CAMK2G: variants seen among roughly 807,000 people sequenced by gnomAD.
CAMK2G encodes calcium/calmodulin-dependent protein kinase type II subunit gamma.
A neutral mutation model predicts 88.7 loss-of-function variants in CAMK2G; 23 were observed. That is an observed-to-expected ratio of 0.26 (90% CI 0.19 to 0.37). CAMK2G has a LOEUF of 0.37. Ranked by LOEUF, CAMK2G falls within the 10% of genes least tolerant of loss-of-function variation. The pLI is 1.00. For missense variants in CAMK2G, 476 were observed against 780.8 expected, an observed-to-expected ratio of 0.61 and a Z score of 4.65; for synonymous variants, 263 against 294.8, an observed-to-expected ratio of 0.89 and a Z score of 1.11.
At chr10:73,869,476 A>G (rs2095727106) in intron 2 of CAMK2G, among the ~76,000 whole-genome samples, 1 of 152,184 alleles carries the variant, frequency 6.6e-6, no homozygotes, top group Admixed American at 6.5e-5. Context: ...GGCTCCCTGG[A>G]TCAGAAAGGG....
rs991564862 is a variant in CAMK2G at position 73,839,956 on chromosome 10, G to C, written c.947-355C>G. Among the ~76,000 whole-genome samples, 3 of 152,190 alleles carry C rather than the reference G, an allele frequency of 2.0e-5. No individual in the cohort carries two copies. The highest frequency in any genetic ancestry group is 2.9e-5 in the Non-Finnish European group (2 of 68,010). On this transcript the variant is annotated intron_variant, in intron 12 of 22. Coordinates refer to ENST00000423381, the MANE Select transcript of CAMK2G (RefSeq NM_001367534.1). The surrounding 1 kb of genome is among the most constrained non-coding windows in gnomAD (Gnocchi z 4.2). ...TAGCCCGGCCCTAGCTTAAGGCTGTGATGAAACGCCCTCCCTTCTAGTCCT... is the reference window on the plus strand; with the variant it reads ...TAGCCCGGCCCTAGCTTAAGGCTGTCATGAAACGCCCTCCCTTCTAGTCCT...
intron 17 of CAMK2G, among the ~76,000 whole-genome samples, chr10:73,822,551 T>C (rs1267262208): frequency 1.3e-5 from 2 of 152,150 alleles, no homozygotes; most frequent in Non-Finnish European, 2.9e-5. Context: ...GAACTCCCAA[T>C]AGCTTCTCCT....
chr10:73,828,274 A>G (rs2091632136), intron 14 of CAMK2G, among the ~76,000 whole-genome samples, 153 bp from the exon 15 acceptor site: 1 of 152,188 alleles, frequency 6.6e-6, no homozygotes. Flanking sequence ...AGGGTTAAAC[A>G]GCACACGGAC....
chr10:73,822,432 T>G (rs1223032702), intron 17 of CAMK2G, among the ~76,000 whole-genome samples: 1 of 152,172 alleles, frequency 6.6e-6, no homozygotes, highest in Non-Finnish European at 1.5e-5. Flanking sequence ...CCTTCCAAAG[T>G]GCAGGGATTA....
Position 73,842,298 on chromosome 10 carries a change from C to T in CAMK2G, c.904-87G>A. 1 of 1,260,588 alleles carries T rather than the reference C, an allele frequency of 7.9e-7. No homozygotes were observed. The highest frequency in any genetic ancestry group is 1.2e-5 in the South Asian group (1 of 84,084). The allele number at this position is 1,260,588 out of a possible 1,614,324, so 78.1% of individuals were successfully genotyped here. On this transcript the variant is annotated intron_variant, in intron 11 of 22. Coordinates refer to ENST00000423381, the MANE Select transcript of CAMK2G (RefSeq NM_001367534.1). This position sits in a 1 kb window ranked among gnomAD's most constrained non-coding sequence, Gnocchi z 4.6. ...AGGCAAAGGCAGGTCCTGGCTAGAG[C>T]CTGAAGACATCAGGCCTCTGGGCCC...
rs530327498 is a variant in CAMK2G at position 73,817,214 on chromosome 10, C to T, written c.1440-97G>A. On this transcript the variant is annotated intron_variant, in intron 20 of 22. Coordinates refer to ENST00000423381, the MANE Select transcript of CAMK2G (RefSeq NM_001367534.1). Reference sequence around the variant, plus strand: ...TGTCTATCCAGTAGCAGCAGGCTACCTGTGGCCATGCCAGACAAGACAGCA... The same window carrying T: ...TGTCTATCCAGTAGCAGCAGGCTACTTGTGGCCATGCCAGACAAGACAGCA... 1.7e-5 allele frequency: 26 copies of T among 1,495,036 alleles called. No individual in the cohort carries two copies. In the South Asian group the frequency reaches 3.3e-4, roughly 19 times the overall value. The allele number at this position is 1,495,036 out of a possible 1,614,324, so 92.6% of individuals were successfully genotyped here. A position where few individuals can be genotyped will look rare whatever the true frequency, so the allele number is the denominator to read the frequency against.
chr10:73,838,163 T>G (rs1176640978), intron 13 of CAMK2G, among the ~76,000 whole-genome samples: 2 of 152,168 alleles, frequency 1.3e-5, no homozygotes, highest in Non-Finnish European at 2.9e-5. Context: ...TCAAACAGAT[T>G]CTAGCCAGGC....
intron 10 of CAMK2G, among the ~76,000 whole-genome samples, chr10:73,845,785 C>T (rs904583513): frequency 3.9e-5 from 6 of 152,062 alleles, no homozygotes; most frequent in Non-Finnish European, 8.8e-5. Context: ...TGCACATTCC[C>T]CCATCCTTAC....
chr10:73,847,249 C>G lies in CAMK2G; in HGVS notation c.795G>C (p.Gln265His). The G allele has an allele frequency of 6.2e-7, 1 of 1,614,200 alleles. No homozygotes were observed. ...INPAKRITAD[Q>H]ALKHPWVCQR... is the part of the protein sequence containing the mutation. The stretch of plus-strand genomic sequence containing the variant: ...CACAGACCCACGGGTGCTTGAGAGC[C>G]TGGTCAGCCGTGATGCGCTTTGCTG... Residue 265 changes from glutamine (Q) to histidine (H), a missense_variant, in exon 10 of 23, where the codon CAG (glutamine) becomes CAC (histidine). By Grantham distance (24) the Gln-to-His change is conservative (BLOSUM62 0). Transcript: ENST00000423381.
At chr10:73,817,821 G>C in intron 19 of CAMK2G, 1 of 526,422 alleles carries the variant, frequency 1.9e-6, no homozygotes, top group Non-Finnish European at 3.4e-6. Flanking sequence ...TCAACAACCA[G>C]GTTGCAGAAA....
At chr10:73,866,734 C>T (rs917040073) in intron 2 of CAMK2G, among the ~76,000 whole-genome samples, 1 of 152,138 alleles carries the variant, frequency 6.6e-6, no homozygotes, top group African/African-American at 2.4e-5. Context: ...CTCCTGAGTG[C>T]CTTTCATCTT....
chr10:73,818,397 G>C (rs1482863218), intron 19 of CAMK2G: 1 of 303,830 alleles, frequency 3.3e-6, no homozygotes, highest in Non-Finnish European at 6.6e-6. Flanking sequence ...TTCTCTTATA[G>C]GGAATGCCAC....
At position 73,812,668 on chromosome 10, in the gene CAMK2G, T is replaced by C. The variant is rs1031490407; in HGVS notation, c.*1850A>G. The stretch of plus-strand genomic sequence containing the variant: ...CTTCCGTTTCTTGTTTAAAAGGTGA[T>C]TTTTTAATAGTCTATTGTCTATAGA... On this transcript the variant is annotated 3_prime_UTR_variant, in exon 23 of 23. Coordinates refer to ENST00000423381, the MANE Select transcript of CAMK2G (RefSeq NM_001367534.1). 8 of 152,700 alleles carry C rather than the reference T, an allele frequency of 5.2e-5. No individual in the cohort carries two copies. Among genetic ancestry groups the C allele is most frequent in the Non-Finnish European group, 8.8e-5 (6 of 68,048 alleles). The allele number at this position is 152,700 out of a possible 1,614,324, so 9.5% of individuals were successfully genotyped here.
At chr10:73,866,258 A>G (rs1008899985) in intron 2 of CAMK2G, among the ~76,000 whole-genome samples, 1 of 152,154 alleles carries the variant, frequency 6.6e-6, no homozygotes, top group African/African-American at 2.4e-5. Context: ...GGGAGGCAGA[A>G]AAGAGGAAGC....
intron 14 of CAMK2G, among the ~76,000 whole-genome samples, chr10:73,835,540 CT>C (rs1208767981): frequency 6.6e-6 from 1 of 151,808 alleles, no homozygotes; most frequent in Non-Finnish European, 1.5e-5. Context: ...ATCTTCTTGC[CT>C]CAGCATCCCA....
Position 73,874,468 on chromosome 10 carries a change from G to A in CAMK2G, c.-7C>T. 1 of 1,493,008 alleles carries A rather than the reference G, an allele frequency of 6.7e-7. No homozygotes were observed. Among genetic ancestry groups the A allele is most frequent in the Non-Finnish European group, 9.0e-7 (1 of 1,110,628 alleles). The allele number at this position is 1,493,008 out of a possible 1,614,324, so 92.5% of individuals were successfully genotyped here. A position where few individuals can be genotyped will look rare whatever the true frequency, so the allele number is the denominator to read the frequency against. On this transcript the variant is annotated 5_prime_UTR_variant, in exon 1 of 23. Transcript: ENST00000423381. ...AGGTGGCGGTGGTGGCCATGCTGGC[G>A]GGCGGGCGGACGCGGCGGTGCAGCC... is the stretch of plus-strand genomic sequence containing the variant.
intron 2 of CAMK2G, 86 bp downstream of exon 2, chr10:73,872,903 C>A: frequency 1.1e-6 from 1 of 881,716 alleles, no homozygotes; most frequent in Non-Finnish European, 1.9e-6. Flanking sequence ...CTAAAACGCA[C>A]AACCCCCAAT....
Position 73,873,013 on chromosome 10 carries a change from T to C in CAMK2G, c.136A>G (p.Asn46Asp). ...CCCCGGGCAGACAACTTCTTGGTAT[T>C]GATGATTTTTGCTGCGTACTCCTGC... ...STQEYAAKII[N>D]TKKLSARDHQ... The change falls in exon 2 of 23, where the codon AAT becomes GAT. Residue 46 changes from asparagine (N) to aspartate (D), a missense_variant. By Grantham distance (23) the Asn-to-Asp change is conservative. Around this residue, in one of 3 missense-constraint regions of CAMK2G, gnomAD observed 164 missense variants for 385.6 expected, o/e 0.43. Coordinates refer to ENST00000423381, the MANE Select transcript of CAMK2G (RefSeq NM_001367534.1). 2 of 1,612,552 alleles carry C rather than the reference T, an allele frequency of 1.2e-6. No individual in the cohort carries two copies. Among genetic ancestry groups the C allele is most frequent in the Non-Finnish European group, 1.7e-6 (2 of 1,178,734 alleles).
At chr10:73,851,430 G>A (rs1446694926) in intron 5 of CAMK2G, among the ~76,000 whole-genome samples, 5 of 152,248 alleles carry the variant, frequency 3.3e-5, no homozygotes, top group Non-Finnish European at 7.4e-5. Context: ...GGAGCCCCAC[G>A]GCAAGGCTGG....
Sources: allele counts gnomAD v4.1 joint callset (sites outside exome capture counted in the v4.1 genomes callset), GRCh38; gene constraint gnomAD v4.1.1; regional missense constraint gnomAD v4.1.1; non-coding constraint Gnocchi (gnomAD v3.1); transcripts MANE v1.5; gene names NCBI Gene and HGNC (gene_info 2026-07-23, HGNC 2026-07-21).